TBX15: variants seen among roughly 807,000 people sequenced by gnomAD.
The protein encoded by TBX15 is T-box transcription factor 15.
In TBX15, 18 loss-of-function variants were observed where a neutral mutation model predicts 53.9. The observed-to-expected ratio is 0.33, with a 90% CI of 0.23 to 0.49. TBX15 has a LOEUF of 0.49. Ranked by LOEUF, TBX15 falls within the 20% of genes least tolerant of loss-of-function variation. The pLI is 0.98. For synonymous variants in TBX15, 295 were observed against 278.0 expected (o/e 1.06, Z -0.61); for missense variants, 692 against 749.5 (o/e 0.92, Z 0.90).
rs557472359 is a variant in TBX15 at position 118,920,207 on chromosome 1, A to G, written c.861+3229T>C. Among the ~76,000 whole-genome samples the G allele has an allele frequency of 2.0e-5, 3 of 152,338 alleles. No homozygotes were observed. In the South Asian group the frequency reaches 6.2e-4, roughly 32 times the overall value. ...CTTTTGTTCTCAAAAAGCTCAAAAT[A>G]TCAAGAGGAAGATTGGACATGCAAG... is the stretch of plus-strand genomic sequence containing the variant. On this transcript the variant is annotated intron_variant, in intron 5 of 7. Coordinates refer to ENST00000369429, the MANE Select transcript of TBX15 (RefSeq NM_001330677.2).
chr1:118,902,083 T>A (rs1456222899), intron 6 of TBX15, among the ~76,000 whole-genome samples: 1 of 152,016 alleles, frequency 6.6e-6, no homozygotes, highest in East Asian at 1.9e-4. Flanking sequence ...ATATATAAAT[T>A]ATTCTATAAT....
chr1:118,967,387 T>TA (rs1657065851), intron 1 of TBX15, among the ~76,000 whole-genome samples: 1 of 152,156 alleles, frequency 6.6e-6, no homozygotes, highest in Non-Finnish European at 1.5e-5. Context: ...ATAAAAATCA[T>TA]AAAAATGACC....
At chr1:118,931,088 G>C (rs1259370689) in intron 2 of TBX15, among the ~76,000 whole-genome samples, 2 of 152,154 alleles carry the variant, frequency 1.3e-5, no homozygotes, top group Non-Finnish European at 2.9e-5. Flanking sequence ...TGTAATCCTA[G>C]AAAAACAGTT....
intron 1 of TBX15, among the ~76,000 whole-genome samples, chr1:118,951,957 G>C (rs1338528610): frequency 6.6e-6 from 1 of 152,186 alleles, no homozygotes; most frequent in Non-Finnish European, 1.5e-5. Context: ...AGTTGAAGTT[G>C]ATATAAGTAC....
chr1:118,895,607 C>T (rs80239970), intron 7 of TBX15, among the ~76,000 whole-genome samples: 1 of 152,054 alleles, frequency 6.6e-6, no homozygotes, highest in Non-Finnish European at 1.5e-5. Context: ...AGTTCATTTG[C>T]TCCTTGTCAC....
chr1:118,984,549 G>C (rs749231159), intron 1 of TBX15, among the ~76,000 whole-genome samples: 1 of 152,240 alleles, frequency 6.6e-6, no homozygotes, highest in African/African-American at 2.4e-5. Flanking sequence ...CGGAGCAGCT[G>C]TTCCAGCCGA....
At chr1:118,986,211 T>A (rs1285299738) in intron 1 of TBX15, among the ~76,000 whole-genome samples, 2 of 152,038 alleles carry the variant, frequency 1.3e-5, no homozygotes, top group Non-Finnish European at 2.9e-5. Flanking sequence ...GCTGAGGAAA[T>A]AGGGTCTGGC....
chr1:118,924,593 A>C, intron 4 of TBX15, 53 bp downstream of exon 4: 1 of 1,610,110 alleles, frequency 6.2e-7, no homozygotes, highest in South Asian at 1.1e-5. Context: ...AGCCAGCTCT[A>C]AAGCAAACAG....
intron 1 of TBX15, among the ~76,000 whole-genome samples, chr1:118,945,308 C>T (rs1443201806): frequency 6.6e-6 from 1 of 152,084 alleles, no homozygotes; most frequent in Non-Finnish European, 1.5e-5. Context: ...ATACTACAGT[C>T]CCCCCAAAAT....
chr1:118,983,404 T>A (rs1443006534), intron 1 of TBX15, among the ~76,000 whole-genome samples: 1 of 152,170 alleles, frequency 6.6e-6, no homozygotes, highest in Non-Finnish European at 1.5e-5. Flanking sequence ...AATGTCTTCA[T>A]AACCATCCCC....
At chr1:118,894,691 G>C (rs905823699) in intron 7 of TBX15, among the ~76,000 whole-genome samples, 1 of 152,104 alleles carries the variant, frequency 6.6e-6, no homozygotes, top group Admixed American at 6.6e-5. Context: ...GGAAACTTCC[G>C]GGATATCAAG....
chr1:118,988,749 C>A (rs972579989), upstream of TBX15, among the ~76,000 whole-genome samples: 2 of 152,198 alleles, frequency 1.3e-5, no homozygotes, highest in Non-Finnish European at 2.9e-5. Flanking sequence ...CTGATAATTT[C>A]GCGTCAGCCC....
At chr1:118,982,134 T>C (rs1657672662) in intron 1 of TBX15, among the ~76,000 whole-genome samples, 1 of 152,380 alleles carries the variant, frequency 6.6e-6, no homozygotes, top group South Asian at 2.1e-4. Context: ...GGAGTCCTGT[T>C]TCCAGAAAGG....
chr1:118,976,835 G>A (rs2101047142), intron 1 of TBX15, among the ~76,000 whole-genome samples: 1 of 152,320 alleles, frequency 6.6e-6, no homozygotes, highest in South Asian at 2.1e-4. Context: ...TCCACTTCAA[G>A]TCCCACACAT....
chr1:118,893,629 A>AAAAG (rs201269771), intron 7 of TBX15, among the ~76,000 whole-genome samples: 7 of 148,858 alleles, frequency 4.7e-5, no homozygotes, highest in South Asian at 2.1e-4. Flanking sequence ...GAGAGAAAGA[A>AAAAG]AAAGAAAGAA....
chr1:118,885,372 T>C lies in TBX15; in HGVS notation c.1169A>G (p.Gln390Arg). The change falls in exon 8 of 8, where the codon CAG becomes CGG. Residue 390 changes from glutamine to arginine, a missense_variant. By Grantham distance (43) the Gln-to-Arg change is conservative. Transcript: ENST00000369429. ...ATCAGAGAGGTTTAGATTACACAGCTGGCTTTCTCGGCAGCCCACATTGAA... is the reference window on the plus strand; with the variant it reads ...ATCAGAGAGGTTTAGATTACACAGCCGGCTTTCTCGGCAGCCCACATTGAA... ...NTFNVGCRES[Q>R]LCNLNLSDYP... The C allele has an allele frequency of 6.2e-7, 1 of 1,613,982 alleles. No homozygotes were observed.
intron 1 of TBX15, among the ~76,000 whole-genome samples, chr1:118,984,293 G>A (rs1231534849): frequency 1.3e-5 from 2 of 152,242 alleles, no homozygotes; most frequent in African/African-American, 4.8e-5. Flanking sequence ...CCTCTGGAAC[G>A]CAGCTGCTGT....
chr1:118,895,277 C>G (rs2101483606), intron 7 of TBX15, among the ~76,000 whole-genome samples: 1 of 152,248 alleles, frequency 6.6e-6, no homozygotes, highest in Non-Finnish European at 1.5e-5. Context: ...GAATGGAGAG[C>G]TTTTGTAAAT....
At chr1:118,953,080 A>G (rs1214676872) in intron 1 of TBX15, among the ~76,000 whole-genome samples, 1 of 93,872 alleles carries the variant, frequency 1.1e-5, no homozygotes, top group Non-Finnish European at 2.4e-5. Flanking sequence ...ATAGTTTCTG[A>G]AAAAAAAAAA....
Sources: allele counts gnomAD v4.1 joint callset (sites outside exome capture counted in the v4.1 genomes callset), GRCh38; gene constraint gnomAD v4.1.1; transcripts MANE v1.5; gene names NCBI Gene and HGNC (gene_info 2026-07-23, HGNC 2026-07-21).